CTNNAL1: variants seen among roughly 807,000 people sequenced by gnomAD.
The protein encoded by CTNNAL1 is catenin alpha like 1, also known as alpha-catulin.
In CTNNAL1, 69 loss-of-function variants were observed where a neutral mutation model predicts 93.6. The ratio of observed to expected loss-of-function variants is 0.74; its 90% CI spans 0.61 to 0.90. CTNNAL1 has a LOEUF of 0.90. CTNNAL1 is among the 40% of genes least tolerant of loss of function. The probability of loss-of-function intolerance (pLI) is 0.00; values close to 1 mark genes in which losing one functional copy is unlikely to be tolerated. For missense variants in CTNNAL1, 836 were observed against 862.0 expected (o/e 0.97, Z 0.38); for synonymous variants, 286 against 305.4 (o/e 0.94, Z 0.66).
At position 108,999,264 on chromosome 9, in the gene CTNNAL1, TA is replaced by T; in HGVS notation, c.142-9del. ...ATTAATAAGCGTGGTGATCTAAAAA[TA>T]AAAGATAAAAGCAACTTTTATCTCA... is the stretch of plus-strand genomic sequence containing the variant. On this transcript the variant is annotated splice_polypyrimidine_tract_variant and intron_variant, in intron 1 of 18. Coordinates refer to ENST00000325551, the MANE Select transcript of CTNNAL1 (RefSeq NM_003798.4). 6.4e-7 allele frequency: 1 copy of T among 1,574,550 alleles called. No individual in the cohort carries two copies. Among genetic ancestry groups the T allele is most frequent in the Non-Finnish European group, 8.6e-7 (1 of 1,166,700 alleles).
At chr9:108,943,385 C>G (rs1830303941) in intron 17 of CTNNAL1, among the ~76,000 whole-genome samples, 1 of 152,184 alleles carries the variant, frequency 6.6e-6, no homozygotes, top group Non-Finnish European at 1.5e-5. Flanking sequence ...TGGGCACAAA[C>G]CCATATTCTC....
At chr9:108,973,805 T>C (rs1295446042) in intron 8 of CTNNAL1, among the ~76,000 whole-genome samples, 1 of 152,154 alleles carries the variant, frequency 6.6e-6, no homozygotes, top group Non-Finnish European at 1.5e-5. Context: ...AAGTGATTTC[T>C]TTTTTCCTGG....
Position 108,972,820 on chromosome 9 carries a change from G to A in CTNNAL1, c.1202C>T (p.Ala401Val), listed in dbSNP as rs748783888. 16 of 1,294,218 alleles carry A rather than the reference G, an allele frequency of 1.2e-5. No individual in the cohort carries two copies. In the East Asian group the frequency reaches 1.5e-4, roughly 12 times the overall value. 80.2% of individuals were successfully genotyped at this position (1,294,218 alleles called of 1,614,324 possible). The change falls in exon 9 of 19, where the codon GCG becomes GTG. Residue 401 changes from alanine to valine, a missense_variant. Coordinates refer to ENST00000325551, the MANE Select transcript of CTNNAL1 (RefSeq NM_003798.4). The part of the protein sequence containing the change: ...NELKKELHST[A>V]TQLAADLLKY... The stretch of plus-strand genomic sequence containing the variant: ...TAATAGATCTGCTGCCAGCTGTGTC[G>A]CTGTACTATGAAGCTGCAGATGTGT...
intron 8 of CTNNAL1, among the ~76,000 whole-genome samples, chr9:108,975,350 G>T (rs553659608): frequency 6.6e-6 from 1 of 151,804 alleles, no homozygotes; most frequent in Non-Finnish European, 1.5e-5. Flanking sequence ...GGTAGGGGGG[G>T]CAACAGGAAA....
chr9:108,968,306 G>A (rs959559541), intron 10 of CTNNAL1, among the ~76,000 whole-genome samples: 4 of 152,244 alleles, frequency 2.6e-5, no homozygotes, highest in African/African-American at 7.2e-5. Flanking sequence ...CAAAGACTAG[G>A]AGTGGAAGCT....
intron 9 of CTNNAL1, among the ~76,000 whole-genome samples, chr9:108,971,332 C>T (rs1308862024): frequency 1.3e-5 from 2 of 152,188 alleles, no homozygotes; most frequent in Non-Finnish European, 1.5e-5. Context: ...TGCATTTATA[C>T]ACATGTTGGC....
chr9:108,979,048 A>T (rs112498081), intron 7 of CTNNAL1, among the ~76,000 whole-genome samples: 14 of 152,154 alleles, frequency 9.2e-5, no homozygotes, highest in African/African-American at 3.4e-4. Context: ...AGAGGCATAT[A>T]ATTGAGACTG....
chr9:108,988,198 C>T (rs1319981157), intron 4 of CTNNAL1, among the ~76,000 whole-genome samples: 3 of 152,166 alleles, frequency 2.0e-5, no homozygotes, highest in African/African-American at 7.2e-5. Context: ...ATTCTTGTGC[C>T]TCAGCCTCCT....
At chr9:108,973,004 G>A (rs1219125495) in intron 8 of CTNNAL1, among the ~76,000 whole-genome samples, 171 bp from the exon 9 acceptor site, 1 of 152,226 alleles carries the variant, frequency 6.6e-6, no homozygotes, top group Non-Finnish European at 1.5e-5. Context: ...AGGGGAGGGT[G>A]TAAAGTTCCC....
intron 15 of CTNNAL1, among the ~76,000 whole-genome samples, chr9:108,944,874 C>CT (rs1259028041): frequency 1.3e-5 from 2 of 152,184 alleles, no homozygotes; most frequent in African/African-American, 4.8e-5. Flanking sequence ...CTTGCTATCA[C>CT]TGGATAAAAT....
rs754763124 is a variant in CTNNAL1 at position 108,943,994 on chromosome 9, G to A, written c.1909C>T (p.Leu637Phe). Reference sequence around the variant, plus strand: ...GAAAAAGCTTGAACACTGGAAGTAAGCTTTAAACCCTCTGCAGCAAAAACC... The same window carrying A: ...GAAAAAGCTTGAACACTGGAAGTAAACTTTAAACCCTCTGCAGCAAAAACC... The part of the protein sequence containing the change: ...LEVFAAEGLK[L>F]TSSVQAFSKQ... Residue 637 changes from leucine to phenylalanine, a missense_variant, in exon 16 of 19, where the codon CTT becomes TTT. Physicochemically the swap from Leu to Phe is conservative, Grantham distance 22. Transcript: ENST00000325551. 2.7e-5 allele frequency: 43 copies of A among 1,613,700 alleles called. 1 individual carries two copies. The highest frequency in any genetic ancestry group is 3.5e-5 in the Non-Finnish European group (41 of 1,179,852).
chr9:108,960,703 C>T (rs987308002), intron 11 of CTNNAL1, among the ~76,000 whole-genome samples: 2 of 152,062 alleles, frequency 1.3e-5, no homozygotes, highest in Middle Eastern at 3.2e-3. Flanking sequence ...GGATAGAGAC[C>T]GCAAGCTCTG....
intron 1 of CTNNAL1, among the ~76,000 whole-genome samples, chr9:109,000,091 TGCC>T (rs1826744156): frequency 2.0e-5 from 3 of 152,260 alleles, no homozygotes; most frequent in African/African-American, 2.4e-5. Context: ...AACTACTATG[TGCC>T]AAGCACTTTA....
chr9:109,008,038 T>C (rs1233762490), intron 1 of CTNNAL1, among the ~76,000 whole-genome samples: 16 of 152,158 alleles, frequency 1.1e-4, no homozygotes, highest in Non-Finnish European at 1.9e-4. Flanking sequence ...GAGTATATCA[T>C]TATATGAACA....
intron 1 of CTNNAL1, among the ~76,000 whole-genome samples, chr9:109,009,071 T>C (rs756318292): frequency 6.6e-5 from 10 of 150,766 alleles, no homozygotes; most frequent in Non-Finnish European, 1.2e-4. Flanking sequence ...ATTTTTTGTA[T>C]TTTTTGTAGA....
chr9:108,955,773 A>T lies in CTNNAL1; in HGVS notation c.1629+17T>A. The T allele has an allele frequency of 6.3e-7, 1 of 1,596,574 alleles. No homozygotes were observed. The highest frequency in any genetic ancestry group is 8.6e-7 in the Non-Finnish European group (1 of 1,169,198). ...TGAATAAAAACATTCTGCAATGTAC[A>T]TAATTCTTCTACTTACCATTGGCTT... On this transcript the variant is annotated intron_variant, in intron 12 of 18. Coordinates refer to ENST00000325551, the MANE Select transcript of CTNNAL1 (RefSeq NM_003798.4).
intron 8 of CTNNAL1, 31 bp from the exon 9 acceptor site, chr9:108,972,864 G>GGGGGCGCCCCCCC: frequency 4.2e-5 from 6 of 142,490 alleles, no homozygotes; most frequent in Non-Finnish European, 6.0e-5. Context: ...GGGGGGGTGG[G>GGGGGCGCCCCCCC]AGGGTGGAGA....
At chr9:108,964,927 A>G (rs896144869) in intron 11 of CTNNAL1, among the ~76,000 whole-genome samples, 5 of 152,064 alleles carry the variant, frequency 3.3e-5, no homozygotes, top group Admixed American at 1.3e-4. Flanking sequence ...CAGTGGCGCC[A>G]TCTCAGCTCA....
chr9:108,974,059 G>A (rs141725778), intron 8 of CTNNAL1, among the ~76,000 whole-genome samples: 2,718 of 152,322 alleles, frequency 0.018, 31 homozygotes, highest in Non-Finnish European at 0.025. Context: ...CACAGAGACT[G>A]TGTCTTGCCA....
Sources: allele counts gnomAD v4.1 joint callset (sites outside exome capture counted in the v4.1 genomes callset), GRCh38; gene constraint gnomAD v4.1.1; transcripts MANE v1.5; gene names NCBI Gene and HGNC (gene_info 2026-07-23, HGNC 2026-07-21).